PDE4D: variants seen among roughly 807,000 people sequenced by gnomAD.
PDE4D encodes phosphodiesterase 4D.
A neutral mutation model predicts 87.4 loss-of-function variants in PDE4D; 24 were observed. The ratio of observed to expected loss-of-function variants is 0.27; its 90% confidence interval spans 0.20 to 0.39. PDE4D has a LOEUF of 0.39. Among genes scored for constraint, PDE4D ranks in the 10% least tolerant of loss-of-function variants. The probability of loss-of-function intolerance (pLI) is 1.00; values close to 1 mark genes in which losing one functional copy is unlikely to be tolerated. For missense variants in PDE4D, 714 were observed against 1,041.0 expected (o/e 0.69, Z 4.32); for synonymous variants, 384 against 383.2 (o/e 1.00, Z -0.02).
intron 1 of PDE4D, among the ~76,000 whole-genome samples, chr5:60,248,458 G>T (rs1344519612): frequency 6.6e-6 from 1 of 151,996 alleles, no homozygotes; most frequent in Non-Finnish European, 1.5e-5. Context: ...GGCAGGTTTG[G>T]GCAGAGGAGA....
intron 1 of PDE4D, among the ~76,000 whole-genome samples, chr5:60,247,046 A>G (rs905221025): frequency 3.4e-4 from 52 of 151,940 alleles, no homozygotes; most frequent in Admixed American, 3.1e-3. Flanking sequence ...TTTGAAGGAG[A>G]CATTCTTTTT....
intron 2 of PDE4D, among the ~76,000 whole-genome samples, chr5:60,053,133 C>T (rs1303874250): frequency 6.6e-6 from 1 of 152,152 alleles, no homozygotes; most frequent in Non-Finnish European, 1.5e-5. Flanking sequence ...TTTATAGATT[C>T]AATGCTATCC....
intron 1 of PDE4D, among the ~76,000 whole-genome samples, chr5:60,326,258 G>A (rs539494678): frequency 1.3e-5 from 2 of 152,184 alleles, no homozygotes; most frequent in Admixed American, 6.5e-5. Flanking sequence ...CTTTTCCAGA[G>A]TGCCTGTACT....
At chr5:59,302,329 G>A (rs189053325) in intron 1 of PDE4D, among the ~76,000 whole-genome samples, 3 of 152,126 alleles carry the variant, frequency 2.0e-5, no homozygotes, top group Admixed American at 2.0e-4. Flanking sequence ...CCTTCCGAAT[G>A]TACTTTACTT....
intron 2 of PDE4D, among the ~76,000 whole-genome samples, chr5:60,143,122 C>T (rs1199331827): frequency 2.0e-5 from 3 of 152,156 alleles, no homozygotes; most frequent in Non-Finnish European, 4.4e-5. Context: ...AGACCCTTTT[C>T]TCTTCTACTC....
chr5:59,012,505 A>G (rs1297264464), intron 6 of PDE4D, among the ~76,000 whole-genome samples: 1 of 152,224 alleles, frequency 6.6e-6, no homozygotes, highest in African/African-American at 2.4e-5. Flanking sequence ...TTGCAATCCT[A>G]GTCTCTGATA....
intron 1 of PDE4D, among the ~76,000 whole-genome samples, chr5:59,409,091 T>C (rs1792207434): frequency 6.7e-6 from 1 of 149,626 alleles, no homozygotes; most frequent in Admixed American, 6.7e-5. Context: ...GAGGTTGCAG[T>C]GAGCCAAGAT....
intron 1 of PDE4D, among the ~76,000 whole-genome samples, chr5:60,227,827 A>G (rs1745307706): frequency 6.6e-6 from 1 of 152,036 alleles, no homozygotes; most frequent in Non-Finnish European, 1.5e-5. Flanking sequence ...TTTCAGTGCT[A>G]TTCTATTGTT....
chr5:59,788,038 C>T (rs1765360944), intron 1 of PDE4D, among the ~76,000 whole-genome samples: 2 of 152,082 alleles, frequency 1.3e-5, no homozygotes, highest in South Asian at 4.1e-4. Context: ...TAAAGCACAA[C>T]ATTTACTTAA....
chr5:60,441,937 A>G (rs2150134745), intron 1 of PDE4D, among the ~76,000 whole-genome samples: 1 of 152,072 alleles, frequency 6.6e-6, no homozygotes, highest in East Asian at 1.9e-4. Context: ...AAGTCAGGAA[A>G]CAGCAGATGC....
intron 1 of PDE4D, among the ~76,000 whole-genome samples, chr5:59,600,951 C>T (rs1464927172): frequency 1.3e-5 from 2 of 152,090 alleles, no homozygotes; most frequent in Non-Finnish European, 2.9e-5. Context: ...ATATCCAGGG[C>T]AACAATCACA....
At chr5:59,569,773 G>A (rs899907783) in intron 1 of PDE4D, among the ~76,000 whole-genome samples, 6 of 152,038 alleles carry the variant, frequency 3.9e-5, no homozygotes, top group African/African-American at 1.4e-4. Flanking sequence ...CACTTTATAT[G>A]TGACAAGGCA....
At chr5:60,309,959 T>C (rs926302096) in intron 1 of PDE4D, among the ~76,000 whole-genome samples, 4 of 152,192 alleles carry the variant, frequency 2.6e-5, no homozygotes, top group Non-Finnish European at 5.9e-5. Context: ...CATAATCTAA[T>C]ATATAAGTAA....
chr5:60,492,559 G>A (rs1323153740), upstream of PDE4D, among the ~76,000 whole-genome samples: 1 of 152,166 alleles, frequency 6.6e-6, no homozygotes, highest in Non-Finnish European at 1.5e-5. Context: ...ATACTATGCA[G>A]CCATAAAAAA....
At chr5:60,443,780 A>C (rs1745425354) in intron 1 of PDE4D, among the ~76,000 whole-genome samples, 1 of 152,194 alleles carries the variant, frequency 6.6e-6, no homozygotes, top group Non-Finnish European at 1.5e-5. Flanking sequence ...GAGAGCTGAG[A>C]AAGTAGACAT....
intron 6 of PDE4D, among the ~76,000 whole-genome samples, chr5:59,026,251 A>G: frequency 6.6e-6 from 1 of 152,338 alleles, no homozygotes; most frequent in South Asian, 2.1e-4. Flanking sequence ...TCTAGCATAT[A>G]CTATGATAAA....
intron 1 of PDE4D, among the ~76,000 whole-genome samples, chr5:59,414,832 G>A (rs1357484193): frequency 6.6e-6 from 1 of 152,224 alleles, no homozygotes; most frequent in African/African-American, 2.4e-5. Flanking sequence ...AGTCTGTGTG[G>A]AGGGCCATGA....
chr5:60,243,552 A>T (rs1182233319), intron 1 of PDE4D, among the ~76,000 whole-genome samples: 1 of 152,072 alleles, frequency 6.6e-6, no homozygotes, highest in African/African-American at 2.4e-5. Flanking sequence ...ATATTGATAC[A>T]AAAATCCTCA....
intron 1 of PDE4D, among the ~76,000 whole-genome samples, chr5:60,295,799 T>G (rs1333601454): frequency 2.0e-5 from 3 of 152,172 alleles, no homozygotes; most frequent in Non-Finnish European, 4.4e-5. Flanking sequence ...CTGACTTGCT[T>G]GGTTCACCTA....
Sources: gnomAD v4.1 joint callset for allele counts (sites outside exome capture counted in the v4.1 genomes callset) on GRCh38, gnomAD v4.1.1 for gene constraint, MANE v1.5 for transcripts, NCBI Gene and HGNC (gene_info 2026-07-23, HGNC 2026-07-21) for gene names.